The following ADK variants were observed in gnomAD, a reference collection of about 807,000 sequenced individuals.
ADK encodes N6,N6-dimethyladenosine kinase.
Under a neutral mutation model 44.7 loss-of-function variants are expected in ADK, and 24 were observed. That is an observed-to-expected ratio of 0.54 (90% CI 0.39 to 0.76). The LOEUF (loss-of-function observed/expected upper bound fraction) is 0.76, where lower values mean the gene tolerates loss of function less well. ADK is among the 30% of genes least tolerant of loss of function. ADK has a pLI of 0.00. For missense variants in ADK, 321 were observed against 425.1 expected, an observed-to-expected ratio of 0.76 and a Z score of 2.15; for synonymous variants, 128 against 142.6, an observed-to-expected ratio of 0.90 and a Z score of 0.73.
intron 7 of ADK, among the ~76,000 whole-genome samples, chr10:74,579,836 G>A (rs1851317762): frequency 6.6e-6 from 1 of 152,138 alleles, no homozygotes; most frequent in South Asian, 2.1e-4. Flanking sequence ...CACTGGAAAG[G>A]AATAAGTGGA....
intron 7 of ADK, among the ~76,000 whole-genome samples, chr10:74,529,770 A>G (rs1021828749): frequency 2.0e-5 from 3 of 152,186 alleles, no homozygotes; most frequent in African/African-American, 7.2e-5. Flanking sequence ...ATTATGGCAG[A>G]CCAATAAGCA....
At chr10:74,415,573 A>C (rs1460746002) in intron 6 of ADK, among the ~76,000 whole-genome samples, 1 of 152,132 alleles carries the variant, frequency 6.6e-6, no homozygotes, top group Non-Finnish European at 1.5e-5. Flanking sequence ...GATAAAGTTG[A>C]ATTTAATCTT....
At chr10:74,549,351 C>T (rs1471557383) in intron 7 of ADK, among the ~76,000 whole-genome samples, 2 of 152,276 alleles carry the variant, frequency 1.3e-5, no homozygotes, top group East Asian at 1.9e-4. Context: ...TTATAGAACA[C>T]TCTTTGGACT....
chr10:74,362,313 C>A (rs532695416), intron 4 of ADK, among the ~76,000 whole-genome samples: 2 of 150,330 alleles, frequency 1.3e-5, no homozygotes, highest in African/African-American at 2.4e-5. Flanking sequence ...CTCACTGATT[C>A]TTTTATTTGG....
intron 4 of ADK, among the ~76,000 whole-genome samples, chr10:74,315,989 G>A (rs187860896): frequency 2.2e-4 from 34 of 152,216 alleles, no homozygotes; most frequent in African/African-American, 7.2e-4. Flanking sequence ...TGTAATCCCA[G>A]CACTTTGGGA....
intron 1 of ADK, among the ~76,000 whole-genome samples, chr10:74,186,573 G>A (rs1842774992): frequency 6.6e-6 from 1 of 152,054 alleles, no homozygotes; most frequent in East Asian, 1.9e-4. Context: ...CAAAGTGCTG[G>A]GATTACAGGT....
chr10:74,548,802 T>A (rs1434877178), intron 7 of ADK, among the ~76,000 whole-genome samples: 3 of 152,224 alleles, frequency 2.0e-5, no homozygotes, highest in Non-Finnish European at 4.4e-5. Flanking sequence ...AATAAATATT[T>A]GTTGAACGAG....
intron 10 of ADK, among the ~76,000 whole-genome samples, chr10:74,698,880 G>A (rs1195075912): frequency 1.3e-5 from 2 of 151,054 alleles, no homozygotes; most frequent in Non-Finnish European, 3.0e-5. Flanking sequence ...TTTTGTTGTT[G>A]TTGTTGCCCA....
chr10:74,324,898 T>C (rs1290894476), intron 4 of ADK, among the ~76,000 whole-genome samples: 5 of 152,342 alleles, frequency 3.3e-5, no homozygotes, highest in East Asian at 1.9e-4. Context: ...TCGGGTACTA[T>C]AGCCTTTTGT....
chr10:74,625,563 T>C (rs1174699811), intron 9 of ADK, among the ~76,000 whole-genome samples: 2 of 152,170 alleles, frequency 1.3e-5, no homozygotes, highest in East Asian at 3.8e-4. Flanking sequence ...TAAAGCCCTG[T>C]TTCAGAGGGA....
chr10:74,445,584 TAAC>T (rs1006001011), intron 6 of ADK, among the ~76,000 whole-genome samples: 3 of 152,036 alleles, frequency 2.0e-5, no homozygotes, highest in African/African-American at 7.2e-5. Context: ...ATGTCTGTAA[TAAC>T]AAATGTGTTA....
At chr10:74,190,981 CTTTTT>C (rs61491732) in intron 1 of ADK, among the ~76,000 whole-genome samples, 4 of 134,964 alleles carry the variant, frequency 3.0e-5, no homozygotes, top group African/African-American at 8.3e-5. Flanking sequence ...CTATTTTTGA[CTTTTT>C]TTTTTTTTTT....
chr10:74,579,356 T>TG (rs1851301540), intron 7 of ADK, among the ~76,000 whole-genome samples: 1 of 152,178 alleles, frequency 6.6e-6, no homozygotes, highest in South Asian at 2.1e-4. Flanking sequence ...GCAGACTTAC[T>TG]GAATATGGCA....
At chr10:74,640,356 A>T (rs1412324256) in intron 9 of ADK, among the ~76,000 whole-genome samples, 1 of 152,238 alleles carries the variant, frequency 6.6e-6, no homozygotes, top group African/African-American at 2.4e-5. Context: ...CCAACACCAT[A>T]TGTGGCTTTT....
chr10:74,627,723 C>T (rs1853264435), intron 9 of ADK, among the ~76,000 whole-genome samples: 1 of 152,086 alleles, frequency 6.6e-6, no homozygotes, highest in Non-Finnish European at 1.5e-5. Context: ...ACCTCCGCCC[C>T]CTGGGTTAAA....
At chr10:74,324,047 G>A (rs1840918380) in intron 4 of ADK, among the ~76,000 whole-genome samples, 1 of 151,880 alleles carries the variant, frequency 6.6e-6, no homozygotes, top group South Asian at 2.1e-4. Context: ...TTTGGAGATG[G>A]CATCTTGCTC....
intron 6 of ADK, among the ~76,000 whole-genome samples, chr10:74,430,521 G>A (rs1342495375): frequency 2.0e-5 from 3 of 152,110 alleles, no homozygotes; most frequent in Non-Finnish European, 2.9e-5. Context: ...TTAGGAGGCC[G>A]AGATGAGAGA....
chr10:74,288,138 A>G (rs1441532701), intron 3 of ADK, among the ~76,000 whole-genome samples: 1 of 152,104 alleles, frequency 6.6e-6, no homozygotes, highest in Non-Finnish European at 1.5e-5. Flanking sequence ...TGTAAAGCAT[A>G]TTTGTAAATA....
intron 4 of ADK, among the ~76,000 whole-genome samples, chr10:74,360,366 G>A (rs1842295051): frequency 6.6e-6 from 1 of 152,194 alleles, no homozygotes; most frequent in Non-Finnish European, 1.5e-5. Flanking sequence ...GTATTCTGTA[G>A]CAGTTGGATG....
Sources: gnomAD v4.1 joint callset for allele counts (sites outside exome capture counted in the v4.1 genomes callset) on GRCh38, gnomAD v4.1.1 for gene constraint, MANE v1.5 for transcripts, NCBI Gene and HGNC (gene_info 2026-07-23, HGNC 2026-07-21) for gene names.